The following DNAH6 variants were observed in gnomAD, a reference collection of about 807,000 sequenced individuals.
DNAH6 encodes the protein axonemal beta dynein heavy chain 6.
DNAH6 carries 340 observed loss-of-function variants against 491.4 expected under a neutral mutation model. The ratio of observed to expected loss-of-function variants is 0.69; its 90% CI spans 0.63 to 0.76. DNAH6 has a LOEUF of 0.76. Among genes scored for constraint, DNAH6 ranks in the 30% least tolerant of loss-of-function variants. DNAH6 has a pLI of 0.00. For missense variants in DNAH6, 4,443 were observed against 4,972.2 expected, an observed-to-expected ratio of 0.89 and a Z score of 3.20; for synonymous variants, 1,603 against 1,686.1, an observed-to-expected ratio of 0.95 and a Z score of 1.21.
Position 84,713,011 on chromosome 2 carries a change from G to A in DNAH6, c.9379-84G>A. On this transcript the variant is annotated intron_variant, in intron 56 of 76. Transcript: ENST00000389394. ...AAATTATTCATTCACAGTACATTTT[G>A]AGGCCTAAGGAATTTTGTGAAGTTC... is the stretch of plus-strand genomic sequence containing the variant. The A allele has an allele frequency of 5.1e-6, 6 of 1,185,680 alleles. No individual in the cohort carries two copies. The South Asian group carries it at 8.0e-5, about 16-fold the overall frequency. The allele number at this position is 1,185,680 out of a possible 1,614,324, so 73.4% of individuals were successfully genotyped here. A position where few individuals can be genotyped will look rare whatever the true frequency, so the allele number is the denominator to read the frequency against.
intron 52 of DNAH6, 50 bp from the exon 53 acceptor site, chr2:84,706,846 A>G (rs1696504357): frequency 6.6e-7 from 1 of 1,508,870 alleles, no homozygotes; most frequent in Non-Finnish European, 8.8e-7. Flanking sequence ...TAATGGGCAA[A>G]TTCAGCCTTT....
chr2:84,638,806 C>T (rs750576054), intron 31 of DNAH6, among the ~76,000 whole-genome samples: 1 of 152,192 alleles, frequency 6.6e-6, no homozygotes, highest in Non-Finnish European at 1.5e-5. Context: ...AGCATCTACT[C>T]GGTTTCTAGG....
chr2:84,715,432 G>T, intron 57 of DNAH6, 128 bp from the exon 58 acceptor site: 1 of 759,536 alleles, frequency 1.3e-6, no homozygotes, highest in Non-Finnish European at 2.2e-6. Flanking sequence ...TATGTGTGGG[G>T]GTAGGTGTGT....
At chr2:84,784,593 G>A (rs1677000244) in intron 65 of DNAH6, 129 bp from the exon 66 acceptor site, 1 of 629,396 alleles carries the variant, frequency 1.6e-6, no homozygotes, top group Non-Finnish European at 2.8e-6. Context: ...ACTTGTAATA[G>A]ATTAACTAGA....
At chr2:84,491,998 T>A in the DNAH6 span, among the ~76,000 whole-genome samples, 1 of 152,190 alleles carries the variant, frequency 6.6e-6, no homozygotes, top group Non-Finnish European at 1.5e-5. Context: ...TCTCCCAGTC[T>A]ACTGCTCAGA....
In DNAH6 at chr2:84,785,599, T is replaced by A. The variant is rs1001819966; in HGVS notation, c.10954-11T>A. 6.6e-7 allele frequency: 1 copy of A among 1,522,018 alleles called. No individual in the cohort carries two copies. The allele number at this position is 1,522,018 out of a possible 1,614,324, so 94.3% of individuals were successfully genotyped here. ...CACTCTCTCTGCCACATATATTCTA[T>A]CTAAATCCAGGTGACCAATGAGCCT... On this transcript the variant is annotated splice_polypyrimidine_tract_variant and intron_variant, in intron 66 of 76. Transcript: ENST00000389394.
chr2:84,702,293 G>C (rs995289789), intron 49 of DNAH6, among the ~76,000 whole-genome samples: 1 of 152,106 alleles, frequency 6.6e-6, no homozygotes, highest in African/African-American at 2.4e-5. Flanking sequence ...TGGAATTTAG[G>C]ACACTTTGTT....
chr2:84,582,443 CTGTTTT>C (rs995644106), intron 14 of DNAH6, among the ~76,000 whole-genome samples: 13 of 152,036 alleles, frequency 8.6e-5, no homozygotes, highest in Non-Finnish European at 1.8e-4. Context: ...GCTCAGCAAT[CTGTTTT>C]TGTTTTTGTT....
At chr2:84,542,695 A>G (rs1462395105) in intron 4 of DNAH6, among the ~76,000 whole-genome samples, 1 of 152,240 alleles carries the variant, frequency 6.6e-6, no homozygotes, top group Non-Finnish European at 1.5e-5. Flanking sequence ...TATTAAAATG[A>G]AAATAGAAAT....
chr2:84,645,039 C>T (rs1689764029), intron 33 of DNAH6, among the ~76,000 whole-genome samples: 1 of 152,184 alleles, frequency 6.6e-6, no homozygotes, highest in Non-Finnish European at 1.5e-5. Flanking sequence ...AGTGGTTGAA[C>T]TAATTTACAC....
intron 64 of DNAH6, among the ~76,000 whole-genome samples, chr2:84,776,708 T>A (rs1354191193): frequency 6.6e-6 from 1 of 152,234 alleles, no homozygotes; most frequent in African/African-American, 2.4e-5. Context: ...CCTGACTTTT[T>A]AATGATACCA....
intron 68 of DNAH6, 74 bp downstream of exon 68, chr2:84,787,376 A>G (rs1677306728): frequency 2.5e-6 from 3 of 1,197,156 alleles, no homozygotes; most frequent in Non-Finnish European, 3.5e-6. Flanking sequence ...CCTGGCCCTT[A>G]CAAAGATGGT....
At chr2:84,637,640 C>A (rs1451386647) in intron 31 of DNAH6, among the ~76,000 whole-genome samples, 1 of 152,092 alleles carries the variant, frequency 6.6e-6, no homozygotes, top group Non-Finnish European at 1.5e-5. Context: ...TTAACCAGTT[C>A]ATTGGGGTTT....
At chr2:84,676,982 C>T in intron 40 of DNAH6, 23 bp from the exon 41 acceptor site, 1 of 1,551,400 alleles carries the variant, frequency 6.4e-7, no homozygotes, top group Non-Finnish European at 8.7e-7. Flanking sequence ...CTGAGTGATC[C>T]AAGTGGATTT....
At chr2:84,463,829 G>C in the DNAH6 span, among the ~76,000 whole-genome samples, 2 of 152,254 alleles carry the variant, frequency 1.3e-5, no homozygotes, top group Admixed American at 1.3e-4. Flanking sequence ...TGTTTTTAAC[G>C]AAATAAATTC....
chr2:84,504,375 G>A, the DNAH6 span, among the ~76,000 whole-genome samples: 13 of 152,204 alleles, frequency 8.5e-5, no homozygotes, highest in African/African-American at 2.9e-4. Flanking sequence ...TGTCTGAAAG[G>A]TCACTATCTT....
chr2:84,703,526 G>T lies in DNAH6; in HGVS notation c.8193G>T (p.Met2731Ile), dbSNP rs1325557278. The change falls in exon 50 of 77, where the codon ATG (methionine) becomes ATT (isoleucine). Residue 2731 changes from methionine to isoleucine, a missense_variant. By Grantham distance (10) the Met-to-Ile change is conservative (BLOSUM62 1). Coordinates refer to ENST00000389394, the MANE Select transcript of DNAH6 (RefSeq NM_001370.2). ...AATCAGAAGATGTTGAAGCCCTGAT[G>T]GAAAAATTGGCAGTGGATCAAGAAA... ...LAKSEDVEAL[M>I]EKLAVDQESA... 1 of 1,551,172 alleles carries T rather than the reference G, an allele frequency of 6.4e-7. No homozygotes were observed. The highest frequency in any genetic ancestry group is 2.4e-5 in the East Asian group (1 of 40,902).
At chr2:84,670,804 G>A (rs990838820) in intron 39 of DNAH6, among the ~76,000 whole-genome samples, 2 of 152,146 alleles carry the variant, frequency 1.3e-5, no homozygotes, top group Admixed American at 1.3e-4. Flanking sequence ...GGCACATTGG[G>A]TTATCTGAAT....
At chr2:84,479,100 G>A in the DNAH6 span, among the ~76,000 whole-genome samples, 2 of 152,032 alleles carry the variant, frequency 1.3e-5, no homozygotes, top group Non-Finnish European at 2.9e-5. Context: ...AAGTCAAGCT[G>A]CTTCTCTCTG....
Sources: allele counts gnomAD v4.1 joint callset (sites outside exome capture counted in the v4.1 genomes callset), GRCh38; gene constraint gnomAD v4.1.1; transcripts MANE v1.5; gene names NCBI Gene and HGNC (gene_info 2026-07-23, HGNC 2026-07-21).